The following NINJ2 variants were observed in gnomAD, a reference collection of about 807,000 sequenced individuals.
NINJ2 encodes ninjurin 2.
A neutral mutation model predicts 11.7 loss-of-function variants in NINJ2; 12 were observed. The ratio of observed to expected loss-of-function variants is 1.02; its 90% confidence interval spans 0.66 to 1.66. The LOEUF is 1.66. Ranked by LOEUF, NINJ2 falls within the 40% of genes most tolerant of loss-of-function variation. The pLI, the probability that NINJ2 is intolerant of heterozygous loss-of-function variation, is 0.00. For missense variants in NINJ2, 187 were observed against 181.8 expected, an observed-to-expected ratio of 1.03 and a Z score of -0.16; for synonymous variants, 93 against 76.8, an observed-to-expected ratio of 1.21 and a Z score of -1.10.
rs1431645230 is a variant in NINJ2, at chr12:663,412, G to T, written c.-52C>A. The T allele has an allele frequency of 6.2e-7, 1 of 1,613,972 alleles. No homozygotes were observed. Among genetic ancestry groups the T allele is most frequent in the African/African-American group, 1.3e-5 (1 of 74,940 alleles). On this transcript the variant is annotated 5_prime_UTR_variant, in exon 1 of 4. Coordinates refer to ENST00000305108, the MANE Select transcript of NINJ2 (RefSeq NM_016533.6). ...GCACCGGGTGCCGGGAACAGACTGC[G>T]TGGGCTCCTCCAGGCTCCGCCGTCT...
chr12:613,702 A>G (rs948023491), intron 1 of NINJ2, among the ~76,000 whole-genome samples: 3 of 152,176 alleles, frequency 2.0e-5, no homozygotes, highest in South Asian at 2.1e-4. Context: ...TCAGGAGATC[A>G]AGACCATCCT....
chr12:596,432 G>T (rs919829376), intron 1 of NINJ2, among the ~76,000 whole-genome samples: 5 of 152,200 alleles, frequency 3.3e-5, no homozygotes, highest in Admixed American at 2.6e-4. Flanking sequence ...TCTGCTGGGG[G>T]ATGTTGATAA....
At chr12:657,261 T>C (rs763009032) in intron 1 of NINJ2, among the ~76,000 whole-genome samples, 71 of 152,122 alleles carry the variant, frequency 4.7e-4, no homozygotes, top group Non-Finnish European at 8.5e-4. Flanking sequence ...AAACAGTTGT[T>C]ATCCAAAACA....
At chr12:657,803 T>C (rs1187702854) in intron 1 of NINJ2, among the ~76,000 whole-genome samples, 2 of 152,084 alleles carry the variant, frequency 1.3e-5, no homozygotes, top group South Asian at 2.1e-4. Context: ...TACCAAATGC[T>C]GATGAGAATG....
intron 1 of NINJ2, among the ~76,000 whole-genome samples, chr12:571,061 C>A (rs1255817165): frequency 6.6e-6 from 1 of 152,282 alleles, no homozygotes; most frequent in South Asian, 2.1e-4. Flanking sequence ...TCTCATTCTG[C>A]CCCGCCCCAC....
intron 1 of NINJ2, among the ~76,000 whole-genome samples, chr12:641,202 A>G (rs1243318248): frequency 6.6e-6 from 1 of 152,198 alleles, no homozygotes; most frequent in Non-Finnish European, 1.5e-5. Flanking sequence ...ACTGGTTTTC[A>G]AAACTACCGC....
Position 566,038 on chromosome 12 carries a change from T to G in NINJ2, c.174A>C (p.Pro58=). 6.2e-7 allele frequency: 1 copy of G among 1,614,092 alleles called. No homozygotes were observed. The highest frequency in any genetic ancestry group is 8.5e-7 in the Non-Finnish European group (1 of 1,180,010). Residue 58 remains proline, a synonymous_variant, in exon 2 of 4, where the codon CCA becomes CCC. Coordinates refer to ENST00000305108, the MANE Select transcript of NINJ2 (RefSeq NM_016533.6). ...MRLKAVLEQG[P]SSHYYTTLVT... ...CCAGGGTGGTGTAGTAGTGAGAGGA[T>G]GGTCCCTGCTCCAGCACCGCCTTCA...
chr12:650,442 G>A (rs752805403), intron 1 of NINJ2, among the ~76,000 whole-genome samples: 1 of 152,230 alleles, frequency 6.6e-6, no homozygotes, highest in Non-Finnish European at 1.5e-5. Context: ...GCTCACGCCT[G>A]TAATCCCATC....
At chr12:619,226 G>C (rs1050304964) in intron 1 of NINJ2, among the ~76,000 whole-genome samples, 1 of 152,182 alleles carries the variant, frequency 6.6e-6, no homozygotes, top group Non-Finnish European at 1.5e-5. Flanking sequence ...GGGCACTTGG[G>C]GTAGGGGATG....
At chr12:649,994 T>G (rs1369896343) in intron 1 of NINJ2, among the ~76,000 whole-genome samples, 3 of 152,184 alleles carry the variant, frequency 2.0e-5, no homozygotes, top group Non-Finnish European at 4.4e-5. Flanking sequence ...TTTTTTGTTA[T>G]GAATAATATT....
At chr12:604,928 G>C (rs904444493) in intron 1 of NINJ2, among the ~76,000 whole-genome samples, 1 of 152,246 alleles carries the variant, frequency 6.6e-6, no homozygotes, top group Non-Finnish European at 1.5e-5. Context: ...CCAGGAACTG[G>C]TTTAGGTCCA....
intron 1 of NINJ2, among the ~76,000 whole-genome samples, chr12:589,900 G>A (rs1947695728): frequency 6.6e-6 from 1 of 152,108 alleles, no homozygotes; most frequent in Non-Finnish European, 1.5e-5. Context: ...GGGCTGCTGT[G>A]GCAGCCGTCT....
intron 1 of NINJ2, among the ~76,000 whole-genome samples, chr12:624,145 A>G (rs1008744068): frequency 6.6e-6 from 1 of 152,276 alleles, no homozygotes; most frequent in African/African-American, 2.4e-5. Context: ...TTACTCTACA[A>G]CCTACTATGC....
chr12:660,136 A>C (rs897874312), intron 1 of NINJ2, among the ~76,000 whole-genome samples: 7 of 151,744 alleles, frequency 4.6e-5, no homozygotes, highest in Non-Finnish European at 1.0e-4. Context: ...AAGAAAAAAA[A>C]AATTAGCTGG....
chr12:565,766 G>C lies in NINJ2; in HGVS notation c.262+184C>G, dbSNP rs114120863. Reference sequence around the variant, plus strand: ...CATGGGATACCAGGAGACAGGACAGGGCGCCTGCCCTCGCGGGGTGGAAGT... The same window carrying C: ...CATGGGATACCAGGAGACAGGACAGCGCGCCTGCCCTCGCGGGGTGGAAGT... On this transcript the variant is annotated intron_variant, in intron 2 of 3. Transcript: ENST00000305108. 2,827 of 676,150 alleles carry C rather than the reference G, an allele frequency of 4.2e-3. 54 individuals are homozygous for C. In the African/African-American group the frequency reaches 0.045, roughly 11 times the overall value. 41.9% of individuals were successfully genotyped at this position (676,150 alleles called of 1,614,324 possible). A position where few individuals can be genotyped will look rare whatever the true frequency, so the allele number is the denominator to read the frequency against.
At position 614,340 on chromosome 12, in the gene NINJ2, C is replaced by T. The variant is rs943574409; in HGVS notation, c.34-48162G>A. Reference sequence around the variant, plus strand: ...ATGAGGGAGAGGACTGTGTGTAGGTCCAGGGACTTGGTCTTGGGAGAACAT... The same window carrying T: ...ATGAGGGAGAGGACTGTGTGTAGGTTCAGGGACTTGGTCTTGGGAGAACAT... On this transcript the variant is annotated intron_variant, in intron 1 of 3. Transcript: ENST00000305108. The surrounding 1 kb of genome is among the most constrained non-coding windows in gnomAD (Gnocchi z 5.1). Among the ~76,000 whole-genome samples, 12 of 152,144 alleles carry T rather than the reference C, an allele frequency of 7.9e-5. No homozygotes were observed. The highest frequency in any genetic ancestry group is 4.6e-4 in the Admixed American group (7 of 15,278).
chr12:663,296 C>T, intron 1 of NINJ2, 32 bp downstream of exon 1: 1 of 1,602,240 alleles, frequency 6.2e-7, no homozygotes, highest in Non-Finnish European at 8.5e-7. Flanking sequence ...TACTCCCGGT[C>T]TCCCCTCTGC....
chr12:603,510 T>C (rs1305435106), intron 1 of NINJ2, among the ~76,000 whole-genome samples: 2 of 152,222 alleles, frequency 1.3e-5, no homozygotes, highest in Admixed American at 6.5e-5. Context: ...ACTTACATTT[T>C]GTTCTAAGAA....
At chr12:642,416 A>T (rs919803480) in intron 1 of NINJ2, among the ~76,000 whole-genome samples, 9 of 152,046 alleles carry the variant, frequency 5.9e-5, no homozygotes, top group Non-Finnish European at 1.2e-4. Flanking sequence ...TTTTTAGTAG[A>T]GACGGGGTTT....
Sources: allele counts gnomAD v4.1 joint callset (sites outside exome capture counted in the v4.1 genomes callset), GRCh38; gene constraint gnomAD v4.1.1; non-coding constraint Gnocchi (gnomAD v3.1); transcripts MANE v1.5; gene names NCBI Gene and HGNC (gene_info 2026-07-23, HGNC 2026-07-21).